REPS1: variants seen among roughly 807,000 people sequenced by gnomAD.
The protein encoded by REPS1 is RALBP1 associated Eps domain containing 1.
REPS1 carries 39 observed loss-of-function variants against 100.9 expected under a neutral mutation model. The ratio of observed to expected loss-of-function variants is 0.39; its 90% CI spans 0.30 to 0.50. REPS1 has a LOEUF of 0.50. Ranked by LOEUF, REPS1 falls within the 20% of genes least tolerant of loss-of-function variation. The pLI is 0.86. For missense variants in REPS1, 821 were observed against 968.5 expected (o/e 0.85, Z 2.02); for synonymous variants, 324 against 340.3 (o/e 0.95, Z 0.53).
At chr6:138,975,829 G>A (rs960585276) in intron 1 of REPS1, among the ~76,000 whole-genome samples, 2 of 151,952 alleles carry the variant, frequency 1.3e-5, no homozygotes. Context: ...GCCAGACTCC[G>A]TCTCAAAAAA....
In REPS1 at chr6:138,943,553, T is replaced by A. The variant is rs146303733; in HGVS notation, c.940A>T (p.Thr314Ser). The change falls in exon 7 of 20, where the codon ACA becomes TCA. Residue 314 changes from threonine (T) to serine (S), a missense_variant. Transcript: ENST00000450536. ...IPGSAAKEFF[T>S]KSKLPILELS... is the part of the protein sequence containing the mutation. ...TCAAGAATAGGAAGTTTTGATTTTG[T>A]AAAAAACTCTTTAGCTGCAGATCCT... is the stretch of plus-strand genomic sequence containing the variant. 9 of 1,590,282 alleles carry A rather than the reference T, an allele frequency of 5.7e-6. No individual in the cohort carries two copies. In the African/African-American group the frequency reaches 1.2e-4, roughly 21 times the overall value.
chr6:138,911,325 GT>G lies in REPS1; in HGVS notation c.2017del (p.Thr673GlnfsTer17). On this transcript the variant is annotated frameshift_variant, in exon 17 of 20. Coordinates refer to ENST00000450536, the MANE Select transcript of REPS1 (RefSeq NM_001286611.2). ...TGTCTTTTCTTCAGTTTTACTATCT[GT>G]TTTGGCAACTCGAAGAGAACTTGCA... ...DPASSLRVAKTDSKTEEKTAA... is the reference protein window; with the variant it reads ...DPASSLRVAKXDSKTEEKTAA... 6.2e-7 allele frequency: 1 copy of G among 1,613,738 alleles called. No homozygotes were observed. The highest frequency in any genetic ancestry group is 8.5e-7 in the Non-Finnish European group (1 of 1,179,736).
chr6:138,932,600 AATAC>A (rs1333296593), intron 8 of REPS1, among the ~76,000 whole-genome samples: 2 of 152,216 alleles, frequency 1.3e-5, no homozygotes, highest in African/African-American at 4.8e-5. Flanking sequence ...CAAAATGGGA[AATAC>A]ATACACACAG....
chr6:138,908,799 T>C lies in REPS1; in HGVS notation c.2085A>G (p.Pro695=). 1 of 1,614,070 alleles carries C rather than the reference T, an allele frequency of 6.2e-7. No individual in the cohort carries two copies. The highest frequency in any genetic ancestry group is 1.1e-5 in the South Asian group (1 of 91,038). Residue 695 remains proline, a synonymous_variant, in exon 18 of 20, where the codon CCA becomes CCG. Transcript: ENST00000450536. The part of the protein sequence containing the change: ...APANVSKGTT[P]LAPPPKPVRR... The stretch of plus-strand genomic sequence containing the variant: ...GAACAGGTTTAGGTGGTGGAGCAAG[T>C]GGTGTTGTGCCTTTGCTCTTTAAGA...
intron 1 of REPS1, among the ~76,000 whole-genome samples, chr6:138,985,357 A>G (rs921787252): frequency 6.6e-6 from 1 of 152,154 alleles, no homozygotes; most frequent in African/African-American, 2.4e-5. Flanking sequence ...CACTCCTATA[A>G]TTGACAAGAT....
chr6:138,947,645 A>G (rs1782728071), intron 2 of REPS1, 145 bp downstream of exon 2: 1 of 610,950 alleles, frequency 1.6e-6, no homozygotes, highest in Non-Finnish European at 2.7e-6. Flanking sequence ...TGAGAAATGC[A>G]AGGTAGTGGG....
At chr6:138,977,553 AT>A (rs1386905717) in intron 1 of REPS1, among the ~76,000 whole-genome samples, 57 of 152,288 alleles carry the variant, frequency 3.7e-4, no homozygotes, top group African/African-American at 1.4e-3. Flanking sequence ...GCCCAGAGAC[AT>A]GTTTTTGACA....
chr6:138,911,811 G>A (rs1432651118), intron 16 of REPS1, among the ~76,000 whole-genome samples: 2 of 147,428 alleles, frequency 1.4e-5, no homozygotes, highest in African/African-American at 5.0e-5. Context: ...AGGAGGGGAC[G>A]AGGATGCAGC....
chr6:138,958,287 G>A (rs1037195604), intron 1 of REPS1, among the ~76,000 whole-genome samples: 3 of 152,208 alleles, frequency 2.0e-5, no homozygotes, highest in Non-Finnish European at 4.4e-5. Context: ...TACAGGAAAA[G>A]GGAAAGTAGA....
At chr6:138,977,492 C>T (rs1373965349) in intron 1 of REPS1, among the ~76,000 whole-genome samples, 1 of 152,196 alleles carries the variant, frequency 6.6e-6, no homozygotes, top group Non-Finnish European at 1.5e-5. Flanking sequence ...GGTGCCATCA[C>T]ATTTAGCTAA....
chr6:138,973,000 A>C (rs1277124253), intron 1 of REPS1, among the ~76,000 whole-genome samples: 1 of 152,224 alleles, frequency 6.6e-6, no homozygotes, highest in Non-Finnish European at 1.5e-5. Context: ...GTTTTGAGTG[A>C]GTGCCTAACA....
At chr6:138,929,917 T>G in intron 9 of REPS1, 60 bp downstream of exon 9, 1 of 1,576,310 alleles carries the variant, frequency 6.3e-7, no homozygotes, top group Non-Finnish European at 8.7e-7. Context: ...TTGCCCTCTT[T>G]GGAACATCTT....
In REPS1 at chr6:138,915,931, G is replaced by A; in HGVS notation, c.1647C>T (p.Pro549=). The change falls in exon 14 of 20, where the codon CCC becomes CCT. Residue 549 remains proline (P), a synonymous_variant. Transcript: ENST00000450536. ...TSPDNTAPPP[P]PPRPQPSHSR... The stretch of plus-strand genomic sequence containing the variant: ...AATGAGAGGGCTGTGGCCTTGGAGG[G>A]GGAGGTGGTGGTGCAGTGTTATCAG... The A allele has an allele frequency of 6.2e-7, 1 of 1,614,012 alleles. No homozygotes were observed. Among genetic ancestry groups the A allele is most frequent in the East Asian group, 2.2e-5 (1 of 44,872 alleles).
At chr6:138,911,567 T>C (rs751223029) in intron 16 of REPS1, among the ~76,000 whole-genome samples, 196 bp from the exon 17 acceptor site, 4 of 152,160 alleles carry the variant, frequency 2.6e-5, no homozygotes, top group Non-Finnish European at 5.9e-5. Flanking sequence ...AGGTAATAGA[T>C]GTGTGAGGGA....
At chr6:138,947,724 ATTGAC>A in intron 2 of REPS1, 61 bp downstream of exon 2, 1 of 1,350,316 alleles carries the variant, frequency 7.4e-7, no homozygotes. Context: ...CAAGAGTTCT[ATTGAC>A]TTGACTTCAT....
intron 1 of REPS1, among the ~76,000 whole-genome samples, chr6:138,960,777 G>A (rs1287432120): frequency 2.0e-5 from 3 of 152,040 alleles, no homozygotes; most frequent in East Asian, 1.9e-4. Flanking sequence ...ATATAAATCC[G>A]AAACCACATC....
At chr6:138,933,118 C>A (rs1781586101) in intron 8 of REPS1, among the ~76,000 whole-genome samples, 1 of 152,200 alleles carries the variant, frequency 6.6e-6, no homozygotes, top group African/African-American at 2.4e-5. Flanking sequence ...TCAGTTTCCA[C>A]ACTGCAAGTA....
chr6:138,957,702 T>C (rs749201409), intron 1 of REPS1, among the ~76,000 whole-genome samples: 3 of 151,194 alleles, frequency 2.0e-5, no homozygotes, highest in Non-Finnish European at 4.4e-5. Context: ...TCAGGAAAAA[T>C]AAAGAGGAAG....
At chr6:138,960,757 G>A (rs150974785) in intron 1 of REPS1, among the ~76,000 whole-genome samples, 8 of 152,210 alleles carry the variant, frequency 5.3e-5, no homozygotes, top group African/African-American at 1.9e-4. Flanking sequence ...TTGCTTAAAG[G>A]TTAATTTCAA....
Sources: allele counts gnomAD v4.1 joint callset (sites outside exome capture counted in the v4.1 genomes callset), GRCh38; gene constraint gnomAD v4.1.1; transcripts MANE v1.5; gene names NCBI Gene and HGNC (gene_info 2026-07-23, HGNC 2026-07-21).